GABRG3: variants seen among roughly 807,000 people sequenced by gnomAD.
GABRG3 encodes the protein gamma-aminobutyric acid type A receptor subunit gamma3.
In GABRG3, 25 loss-of-function variants were observed where a neutral mutation model predicts 48.8. The ratio of observed to expected loss-of-function variants is 0.51; its 90% CI spans 0.37 to 0.72. GABRG3 has a LOEUF of 0.72. Among genes scored for constraint, GABRG3 ranks in the 30% least tolerant of loss-of-function variants. The pLI is 0.00. For missense variants in GABRG3, 394 were observed against 577.9 expected (o/e 0.68, Z 3.26); for synonymous variants, 227 against 217.6 (o/e 1.04, Z -0.38).
At chr15:27,416,053 A>C (rs568154206) in intron 5 of GABRG3, among the ~76,000 whole-genome samples, 2 of 152,232 alleles carry the variant, frequency 1.3e-5, no homozygotes, top group Admixed American at 1.3e-4. Context: ...AGGCACAGGC[A>C]TGTGTCTCAG....
intron 3 of GABRG3, among the ~76,000 whole-genome samples, chr15:27,135,259 T>A (rs770265476): frequency 6.6e-6 from 1 of 152,202 alleles, no homozygotes; most frequent in African/African-American, 2.4e-5. Flanking sequence ...TTAAAGGAAC[T>A]AGGAACTGAT....
intron 3 of GABRG3, among the ~76,000 whole-genome samples, chr15:27,163,215 C>A (rs752433326): frequency 6.6e-6 from 1 of 152,120 alleles, no homozygotes; most frequent in African/African-American, 2.4e-5. Flanking sequence ...TAAATTAAAT[C>A]TAGGCTGGGC....
chr15:27,314,499 A>G (rs951391374), intron 3 of GABRG3, among the ~76,000 whole-genome samples: 1 of 152,198 alleles, frequency 6.6e-6, no homozygotes, highest in African/African-American at 2.4e-5. Flanking sequence ...GGAAAACAGT[A>G]TGGAGATTCC....
intron 2 of GABRG3, among the ~76,000 whole-genome samples, chr15:27,017,288 C>T (rs547826349): frequency 1.6e-4 from 25 of 152,190 alleles, no homozygotes; most frequent in African/African-American, 5.5e-4. Flanking sequence ...AAAGTAATTT[C>T]GAAGAACCGC....
In GABRG3 at chr15:27,392,898, C is replaced by T. The variant is rs115490864; in HGVS notation, c.574+64010C>T. On this transcript the variant is annotated intron_variant, in intron 5 of 9. Coordinates refer to ENST00000615808, the MANE Select transcript of GABRG3 (RefSeq NM_033223.5). ...TCTGTTAGCTCCTTTGTTCCTTTGA[C>T]ATACCCAGCATGATTATATTTTTTA... Among the ~76,000 whole-genome samples, 1,493 of 152,316 alleles carry T rather than the reference C, an allele frequency of 9.8e-3. 17 individuals carry two copies. The highest frequency in any genetic ancestry group is 0.034 in the African/African-American group (1,418 of 41,560).
At chr15:27,044,658 AG>A (rs1449437331) in intron 3 of GABRG3, among the ~76,000 whole-genome samples, 1 of 152,260 alleles carries the variant, frequency 6.6e-6, no homozygotes, top group Non-Finnish European at 1.5e-5. Flanking sequence ...TGAATCATGA[AG>A]GGGGCAGGCC....
At chr15:27,386,420 T>G (rs1895922083) in intron 5 of GABRG3, among the ~76,000 whole-genome samples, 1 of 152,186 alleles carries the variant, frequency 6.6e-6, no homozygotes, top group Non-Finnish European at 1.5e-5. Flanking sequence ...GTGTTAAATT[T>G]CTGGCTGATC....
At chr15:27,052,602 A>G (rs1896474566) in intron 3 of GABRG3, among the ~76,000 whole-genome samples, 1 of 152,208 alleles carries the variant, frequency 6.6e-6, no homozygotes, top group South Asian at 2.1e-4. Flanking sequence ...TATCAAGACA[A>G]ACAAAAATAA....
intron 3 of GABRG3, among the ~76,000 whole-genome samples, chr15:27,197,611 G>A (rs770958953): frequency 2.0e-4 from 31 of 151,676 alleles, no homozygotes; most frequent in Admixed American, 3.9e-4. Context: ...TTGCACGTGC[G>A]TTTTTTTTGT....
At chr15:27,220,636 T>C (rs1275598222) in intron 3 of GABRG3, among the ~76,000 whole-genome samples, 1 of 152,154 alleles carries the variant, frequency 6.6e-6, no homozygotes, top group African/African-American at 2.4e-5. Context: ...CTCAAGAACA[T>C]ATGCTAAGAT....
chr15:27,362,558 C>A (rs2140547757), intron 5 of GABRG3: 1 of 152,226 alleles, frequency 6.6e-6, no homozygotes, highest in East Asian at 1.9e-4. Flanking sequence ...CACTGAAAGC[C>A]CTTTGATGTA....
Position 27,352,652 on chromosome 15 carries a change from A to G in GABRG3, c.574+23764A>G, listed in dbSNP as rs2140538435. ...GGCAGGCCAAGGAAGCCCCCTGCCAAGGCAGCAGCCACATACCAAACCGTT... is the reference window on the plus strand; with the variant it reads ...GGCAGGCCAAGGAAGCCCCCTGCCAGGGCAGCAGCCACATACCAAACCGTT... On this transcript the variant is annotated intron_variant, in intron 5 of 9. Transcript: ENST00000615808. The surrounding 1 kb of genome is among the most constrained non-coding windows in gnomAD (Gnocchi z 4.0). Among the ~76,000 whole-genome samples, 1 of 152,208 alleles carries G rather than the reference A, an allele frequency of 6.6e-6. No homozygotes were observed. Among genetic ancestry groups the G allele is most frequent in the Admixed American group, 6.5e-5 (1 of 15,308 alleles).
chr15:27,321,643 T>G (rs1893429951), intron 3 of GABRG3, among the ~76,000 whole-genome samples: 1 of 152,214 alleles, frequency 6.6e-6, no homozygotes, highest in Admixed American at 6.5e-5. Context: ...CCTGATTTGT[T>G]TATCTAACTC....
chr15:27,279,198 C>T (rs1308569742), intron 3 of GABRG3, among the ~76,000 whole-genome samples: 2 of 152,096 alleles, frequency 1.3e-5, no homozygotes, highest in Non-Finnish European at 2.9e-5. Context: ...CAACTATTTT[C>T]TCTTAGTTTG....
intron 5 of GABRG3, chr15:27,428,268 C>G (rs1888350371): frequency 6.6e-6 from 1 of 152,174 alleles, no homozygotes; most frequent in Non-Finnish European, 1.5e-5. Flanking sequence ...AATTTGAAAA[C>G]TGTTACCAGG....
chr15:27,136,989 G>A (rs894217457), intron 3 of GABRG3, among the ~76,000 whole-genome samples: 2 of 152,166 alleles, frequency 1.3e-5, no homozygotes, highest in African/African-American at 4.8e-5. Flanking sequence ...CAGGATGGAT[G>A]AGATGCTTCC....
chr15:27,274,681 C>T (rs764677289), intron 3 of GABRG3, among the ~76,000 whole-genome samples: 1 of 152,124 alleles, frequency 6.6e-6, no homozygotes, highest in Non-Finnish European at 1.5e-5. Context: ...ACCCTCAAGA[C>T]TCACCCACTC....
chr15:27,351,224 GGTGT>G (rs796323053), intron 5 of GABRG3, among the ~76,000 whole-genome samples: 4 of 147,204 alleles, frequency 2.7e-5, no homozygotes, highest in Non-Finnish European at 3.0e-5. Flanking sequence ...GTGCGTGTAT[GGTGT>G]GTGTGTTTGT....
intron 5 of GABRG3, among the ~76,000 whole-genome samples, chr15:27,362,001 T>C (rs967181136): frequency 1.3e-5 from 2 of 152,230 alleles, no homozygotes; most frequent in Non-Finnish European, 2.9e-5. Flanking sequence ...TATATACATG[T>C]ATATCTTGCC....
Sources: gnomAD v4.1 joint callset for allele counts (sites outside exome capture counted in the v4.1 genomes callset) on GRCh38, gnomAD v4.1.1 for gene constraint, Gnocchi (gnomAD v3.1) non-coding constraint, MANE v1.5 for transcripts, NCBI Gene and HGNC (gene_info 2026-07-23, HGNC 2026-07-21) for gene names.